KANTR: variants seen among roughly 807,000 people sequenced by gnomAD.
KANTR encodes the protein KANTR integral membrane protein.
intron 1 of KANTR, among the ~76,000 whole-genome samples, chrX:53,096,683 G>T (rs1055099640): frequency 9.7e-6 from 1 of 103,583 alleles, no homozygotes; most frequent in Non-Finnish European, 2.0e-5. Context: ...AAAATTAGCC[G>T]GGTGTTGTGG....
chrX:53,134,930 C>G (rs1475478130), intron 2 of KANTR, among the ~76,000 whole-genome samples: 1 of 111,704 alleles, frequency 9.0e-6, no homozygotes, highest in African/African-American at 3.3e-5. Context: ...CAGGTACAAA[C>G]TTAAATCACC....
downstream of KANTR, among the ~76,000 whole-genome samples, chrX:53,144,812 A>G (rs185550700): frequency 8.9e-6 from 1 of 112,112 alleles, no homozygotes; most frequent in Non-Finnish European, 1.9e-5. Context: ...CGTTTTGCAT[A>G]TGATCAGCCA....
At position 53,121,030 on chromosome X, in the gene KANTR, G is replaced by A. The variant is rs1933211563; in HGVS notation, c.-804-2439G>A. On this transcript the variant is annotated intron_variant, in intron 2 of 2. Transcript: ENST00000604062. ...TTTTTGTTTTTTGAGATGGAGTCTC[G>A]CTCTGTCTCCTAGTCTGGAGTGCAG... Among the ~76,000 whole-genome samples, 9 of 108,465 alleles carry A rather than the reference G, an allele frequency of 8.3e-5. No homozygotes were observed. In the South Asian group the frequency reaches 2.4e-3, roughly 29 times the overall value. 94.2% of individuals were successfully genotyped at this position (108,465 alleles called of 115,157 possible).
At chrX:53,144,423 T>C (rs1167278306), downstream of KANTR, among the ~76,000 whole-genome samples, 1 of 111,859 alleles carries the variant, frequency 8.9e-6, no homozygotes, top group Non-Finnish European at 1.9e-5. Flanking sequence ...AGGCTGGGCA[T>C]GGTGGCTCAC....
At chrX:53,139,203 A>G (rs1556818091) in intron 2 of KANTR, among the ~76,000 whole-genome samples, 1 of 93,427 alleles carries the variant, frequency 1.1e-5, no homozygotes, top group Non-Finnish European at 2.1e-5. Context: ...CCTGGGTGAC[A>G]GAGCGAGACT....
At chrX:53,135,507 G>A (rs1449199373) in intron 2 of KANTR, among the ~76,000 whole-genome samples, 3 of 112,151 alleles carry the variant, frequency 2.7e-5, no homozygotes, top group African/African-American at 9.7e-5. Context: ...GCTGTGGGCT[G>A]CAGTTTTAGT....
intron 2 of KANTR, among the ~76,000 whole-genome samples, chrX:53,140,588 C>A (rs1313653964): frequency 9.3e-6 from 1 of 108,106 alleles, no homozygotes; most frequent in African/African-American, 3.4e-5. Flanking sequence ...GGGAAGTACA[C>A]AGATATATAA....
chrX:53,096,251 G>A (rs1337216773), intron 1 of KANTR, among the ~76,000 whole-genome samples: 1 of 112,072 alleles, frequency 8.9e-6, no homozygotes, highest in Non-Finnish European at 1.9e-5. Context: ...CTCCAGAAGG[G>A]CAGGGATTTT....
At chrX:53,122,928 G>T (rs1011740771) in intron 2 of KANTR, among the ~76,000 whole-genome samples, 8 of 111,700 alleles carry the variant, frequency 7.2e-5, no homozygotes, top group Non-Finnish European at 1.5e-4. Context: ...GGTTCTGCTG[G>T]TATAGAATGA....
chrX:53,107,139 T>C (rs1244882585), intron 2 of KANTR, among the ~76,000 whole-genome samples: 1 of 109,397 alleles, frequency 9.1e-6, no homozygotes, highest in African/African-American at 3.4e-5. Context: ...TTGTTTTGGC[T>C]ATCCTTGCAT....
At chrX:53,125,384 T>C (rs376958619) in exon 3 of KANTR, 2 of 111,751 alleles carry the variant, frequency 1.8e-5, no homozygotes, top group African/African-American at 6.5e-5. Flanking sequence ...TTAGTCTGTT[T>C]ACATTTACTG....
chrX:53,129,237 G>GTGTGTGTGTGTC (rs1933330780), downstream of KANTR, among the ~76,000 whole-genome samples: 2 of 97,478 alleles, frequency 2.1e-5, no homozygotes, highest in African/African-American at 3.7e-5. Context: ...CTGGCTATTT[G>GTGTGTGTGTGTC]TGTGTGTGTG....
intron 2 of KANTR, among the ~76,000 whole-genome samples, chrX:53,102,009 A>G (rs909807714): frequency 6.3e-5 from 7 of 110,628 alleles, no homozygotes; most frequent in Non-Finnish European, 1.1e-4. Context: ...TCAAAAAAAA[A>G]AAAAAAAAGA....
chrX:53,145,824 CA>C (rs1361719819), downstream of KANTR, among the ~76,000 whole-genome samples: 2 of 112,035 alleles, frequency 1.8e-5, no homozygotes. Context: ...GATCAGGCAG[CA>C]ACATTTGCTG....
intron 1 of KANTR, among the ~76,000 whole-genome samples, chrX:53,098,882 C>T (rs1428811542): frequency 5.4e-5 from 6 of 110,816 alleles, no homozygotes; most frequent in Non-Finnish European, 9.4e-5. Flanking sequence ...CATGCCACCA[C>T]GCCCAGCCAA....
At chrX:53,119,459 G>A (rs1933184237) in intron 2 of KANTR, among the ~76,000 whole-genome samples, 1 of 111,166 alleles carries the variant, frequency 9.0e-6, no homozygotes, top group African/African-American at 3.3e-5. Flanking sequence ...TATAAGGTAG[G>A]GAGCTGGTTT....
chrX:53,098,021 A>C (rs782316326), intron 1 of KANTR, among the ~76,000 whole-genome samples: 1 of 97,350 alleles, frequency 1.0e-5, no homozygotes, highest in African/African-American at 3.9e-5. Context: ...ACTGCACTCC[A>C]TCCTGGGTGA....
At chrX:53,115,290 C>G (rs1556814404) in intron 2 of KANTR, among the ~76,000 whole-genome samples, 1 of 112,145 alleles carries the variant, frequency 8.9e-6, no homozygotes, top group African/African-American at 3.2e-5. Context: ...GAGCCTGTGT[C>G]CACAAGGTCT....
chrX:53,106,221 CTTTTAATGTACAGTAGG>C (rs1322234091), intron 2 of KANTR, among the ~76,000 whole-genome samples: 1 of 109,749 alleles, frequency 9.1e-6, no homozygotes, highest in African/African-American at 3.4e-5. Flanking sequence ...TTGATGGTAT[CTTTTAATGTACAGTAGG>C]TTTTAATTTC....
Sources: allele counts gnomAD v4.1 joint callset (sites outside exome capture counted in the v4.1 genomes callset), GRCh38; gene constraint gnomAD v4.1.1; transcripts MANE v1.5; gene names NCBI Gene and HGNC (gene_info 2026-07-23, HGNC 2026-07-21).